DOK6: variants seen among roughly 807,000 people sequenced by gnomAD.
DOK6 encodes the protein docking protein 6, also known as downstream of tyrosine kinase 6.
DOK6 carries 22 observed loss-of-function variants against 44.0 expected under a neutral mutation model. The observed-to-expected ratio is 0.50, with a 90% confidence interval of 0.36 to 0.71. The LOEUF (loss-of-function observed/expected upper bound fraction) is 0.71. DOK6 is among the 30% of genes least tolerant of loss of function. The pLI is 0.00. For missense variants in DOK6, 340 were observed against 416.4 expected, an observed-to-expected ratio of 0.82 and a Z score of 1.60; for synonymous variants, 166 against 145.5, an observed-to-expected ratio of 1.14 and a Z score of -1.01.
At chr18:69,706,675 C>A (rs1212150962) in intron 5 of DOK6, among the ~76,000 whole-genome samples, 2 of 112,294 alleles carry the variant, frequency 1.8e-5, no homozygotes, top group Admixed American at 9.4e-5. Flanking sequence ...TCCCTCCCCC[C>A]CTCCCCCCTC....
At chr18:69,725,583 G>A (rs1056386793) in intron 5 of DOK6, among the ~76,000 whole-genome samples, 3 of 152,196 alleles carry the variant, frequency 2.0e-5, no homozygotes, top group Non-Finnish European at 2.9e-5. Flanking sequence ...CGCCTCCTGG[G>A]TTCAAGCAAT....
intron 1 of DOK6, among the ~76,000 whole-genome samples, chr18:69,522,288 C>T (rs1453799480): frequency 2.6e-5 from 4 of 151,916 alleles, no homozygotes; most frequent in Admixed American, 2.0e-4. Context: ...TGGCAAATGG[C>T]TGAAGGGATC....
chr18:69,753,668 C>T (rs76044153), intron 6 of DOK6, among the ~76,000 whole-genome samples: 2,066 of 152,272 alleles, frequency 0.014, 44 homozygotes, highest in African/African-American at 0.047. Context: ...GAATCAATGC[C>T]TCCTAATCTA....
chr18:69,698,676 C>T, intron 5 of DOK6, 83 bp downstream of exon 5: 1 of 1,358,846 alleles, frequency 7.4e-7, no homozygotes, highest in South Asian at 1.6e-5. Context: ...AGAGTGCTGT[C>T]CATCATTGCC....
At chr18:69,418,739 T>G (rs149388387) in intron 1 of DOK6, among the ~76,000 whole-genome samples, 17 of 152,208 alleles carry the variant, frequency 1.1e-4, no homozygotes, top group African/African-American at 3.9e-4. Flanking sequence ...CCCAAAGTGC[T>G]GGGATTACAA....
At chr18:69,590,947 C>T (rs1353061902) in intron 2 of DOK6, among the ~76,000 whole-genome samples, 2 of 151,978 alleles carry the variant, frequency 1.3e-5, no homozygotes, top group African/African-American at 2.4e-5. Flanking sequence ...AAAACAACAC[C>T]CTTTCATCAC....
chr18:69,440,438 G>T (rs1456898517), intron 1 of DOK6, among the ~76,000 whole-genome samples: 1 of 152,128 alleles, frequency 6.6e-6, no homozygotes, highest in Non-Finnish European at 1.5e-5. Flanking sequence ...TGCAATATCT[G>T]CAAAACACAA....
chr18:69,605,488 C>T (rs1321204808), intron 3 of DOK6, among the ~76,000 whole-genome samples: 2 of 152,048 alleles, frequency 1.3e-5, no homozygotes, highest in Admixed American at 6.6e-5. Flanking sequence ...CTTGAGGTCT[C>T]TCCTTAAGCA....
rs1984190725 is a variant in DOK6 at position 69,612,755 on chromosome 18, C to A, written c.289+13257C>A. Among the ~76,000 whole-genome samples, 5 of 152,316 alleles carry A rather than the reference C, an allele frequency of 3.3e-5. No individual in the cohort carries two copies. The South Asian group carries it at 1.0e-3, about 32-fold the overall frequency. The stretch of plus-strand genomic sequence containing the variant: ...GCTTACCCCTGTATTCCTAGCACCA[C>A]ATGCTAATAAAAGTGTGTTGAATTA... On this transcript the variant is annotated intron_variant, in intron 3 of 7. Transcript: ENST00000382713.
At chr18:69,591,301 G>A (rs138779015) in intron 2 of DOK6, among the ~76,000 whole-genome samples, 1 of 152,092 alleles carries the variant, frequency 6.6e-6, no homozygotes, top group Admixed American at 6.6e-5. Context: ...GTCTTGAGGA[G>A]AGCACATGTG....
intron 1 of DOK6, among the ~76,000 whole-genome samples, chr18:69,488,452 C>T (rs1044424701): frequency 5.9e-5 from 9 of 152,138 alleles, no homozygotes; most frequent in African/African-American, 1.7e-4. Context: ...GCTGCCTCAA[C>T]GTTCTTGTCA....
At chr18:69,600,204 G>T (rs185895358) in intron 3 of DOK6, among the ~76,000 whole-genome samples, 1 of 152,232 alleles carries the variant, frequency 6.6e-6, no homozygotes, top group Admixed American at 6.5e-5. Flanking sequence ...TAGGTCTTTA[G>T]GAGAAATTTT....
intron 1 of DOK6, among the ~76,000 whole-genome samples, chr18:69,449,682 A>G (rs1374478440): frequency 2.0e-5 from 3 of 152,142 alleles, no homozygotes; most frequent in African/African-American, 2.4e-5. Flanking sequence ...TGAAGAGAGC[A>G]GTGGTTCTCC....
At chr18:69,402,680 G>C (rs933866165) in intron 1 of DOK6, among the ~76,000 whole-genome samples, 4 of 152,192 alleles carry the variant, frequency 2.6e-5, no homozygotes, top group African/African-American at 9.6e-5. Flanking sequence ...TCTGTAGTAG[G>C]CTGGGAGGCT....
intron 3 of DOK6, among the ~76,000 whole-genome samples, chr18:69,603,500 T>G (rs565210311): frequency 5.1e-4 from 78 of 152,214 alleles, no homozygotes; most frequent in Non-Finnish European, 1.0e-3. Context: ...TGCCGGGCGC[T>G]GTGGCTCACA....
At position 69,446,908 on chromosome 18, in the gene DOK6, G is replaced by T. The variant is rs184831250; in HGVS notation, c.66+45598G>T. Among the ~76,000 whole-genome samples, 47 of 152,228 alleles carry T rather than the reference G, an allele frequency of 3.1e-4. No individual in the cohort carries two copies. In the East Asian group the frequency reaches 8.1e-3, roughly 26 times the overall value. ...TGCCTACTTTTTGATGGGGTTGTTTGATTTTTTCTTGTAAATTTGTTTGAG... is the reference window on the plus strand; with the variant it reads ...TGCCTACTTTTTGATGGGGTTGTTTTATTTTTTCTTGTAAATTTGTTTGAG... On this transcript the variant is annotated intron_variant, in intron 1 of 7. Transcript: ENST00000382713.
chr18:69,509,562 C>T (rs546193854), intron 1 of DOK6, among the ~76,000 whole-genome samples: 3 of 134,654 alleles, frequency 2.2e-5, no homozygotes, highest in Non-Finnish European at 4.6e-5. Flanking sequence ...GGCGTGAACC[C>T]GGGAGGTGGA....
intron 7 of DOK6, among the ~76,000 whole-genome samples, chr18:69,759,310 G>A (rs964393694): frequency 6.6e-6 from 1 of 151,958 alleles, no homozygotes; most frequent in African/African-American, 2.4e-5. Context: ...CTATTTCTGG[G>A]ATGAAAAATA....
chr18:69,536,602 A>G (rs565300200), intron 1 of DOK6, among the ~76,000 whole-genome samples: 1 of 152,196 alleles, frequency 6.6e-6, no homozygotes, highest in Non-Finnish European at 1.5e-5. Context: ...TCTTTTCTAA[A>G]CTTCTGTATG....
Sources: allele counts gnomAD v4.1 joint callset (sites outside exome capture counted in the v4.1 genomes callset), GRCh38; gene constraint gnomAD v4.1.1; transcripts MANE v1.5; gene names NCBI Gene and HGNC (gene_info 2026-07-23, HGNC 2026-07-21).